Variants in SLC9A9 observed in about 807,000 individuals in gnomAD.
The protein encoded by SLC9A9 is solute carrier family 9 member A9.
Under a neutral mutation model 77.8 loss-of-function variants are expected in SLC9A9, and 62 were observed. The observed-to-expected ratio is 0.80, with a 90% CI of 0.65 to 0.98. The LOEUF is 0.98. Among genes scored for constraint, SLC9A9 ranks in the 50% least tolerant of loss-of-function variants. The pLI is 0.00. For missense variants in SLC9A9, 775 were observed against 774.9 expected, an observed-to-expected ratio of 1.00 and a Z score of 0.00; for synonymous variants, 320 against 283.5, an observed-to-expected ratio of 1.13 and a Z score of -1.29.
intron 11 of SLC9A9, among the ~76,000 whole-genome samples, chr3:143,486,176 C>T (rs2035650698): frequency 6.6e-6 from 1 of 152,110 alleles, no homozygotes; most frequent in African/African-American, 2.4e-5. Context: ...ACAAAAACCA[C>T]TTGTCAACCA....
At chr3:143,711,363 C>A (rs1333970527) in intron 4 of SLC9A9, among the ~76,000 whole-genome samples, 1 of 151,856 alleles carries the variant, frequency 6.6e-6, no homozygotes, top group African/African-American at 2.4e-5. Context: ...GAGAAACCAC[C>A]AAAATGCTTT....
At chr3:143,287,635 A>G (rs1256331423) in intron 14 of SLC9A9, among the ~76,000 whole-genome samples, 3 of 152,220 alleles carry the variant, frequency 2.0e-5, no homozygotes, top group African/African-American at 7.2e-5. Flanking sequence ...AGGGTTTGGA[A>G]TAATTCCCAG....
chr3:143,781,993 G>T (rs1385500832), intron 4 of SLC9A9, among the ~76,000 whole-genome samples: 1 of 152,132 alleles, frequency 6.6e-6, no homozygotes, highest in Non-Finnish European at 1.5e-5. Context: ...CTCCCACACT[G>T]GAAGCGCTAA....
At chr3:143,317,586 C>T (rs371465055) in intron 14 of SLC9A9, among the ~76,000 whole-genome samples, 1 of 152,300 alleles carries the variant, frequency 6.6e-6, no homozygotes, top group East Asian at 1.9e-4. Context: ...GATCCTCTGG[C>T]TACAGGGATA....
At chr3:143,804,465 G>A (rs1291641746) in intron 2 of SLC9A9, among the ~76,000 whole-genome samples, 1 of 152,122 alleles carries the variant, frequency 6.6e-6, no homozygotes, top group Admixed American at 6.6e-5. Context: ...TACAACCTCT[G>A]ATGGCTGCCG....
intron 11 of SLC9A9, among the ~76,000 whole-genome samples, chr3:143,468,300 C>G (rs1212253593): frequency 6.6e-6 from 1 of 152,212 alleles, no homozygotes; most frequent in South Asian, 2.1e-4. Flanking sequence ...ATATATAAGT[C>G]ATCCAATTTC....
intron 6 of SLC9A9, among the ~76,000 whole-genome samples, chr3:143,646,281 G>A (rs1480546685): frequency 1.4e-5 from 2 of 147,386 alleles, no homozygotes; most frequent in Admixed American, 1.4e-4. Flanking sequence ...TATATATACA[G>A]GTATAATAAA....
At chr3:143,701,279 G>A (rs143734144) in intron 4 of SLC9A9, among the ~76,000 whole-genome samples, 21 of 152,218 alleles carry the variant, frequency 1.4e-4, no homozygotes, top group African/African-American at 5.1e-4. Flanking sequence ...AGACCACCGT[G>A]GAAAACATAA....
intron 4 of SLC9A9, among the ~76,000 whole-genome samples, chr3:143,743,204 T>TGG: frequency 7.2e-6 from 1 of 139,138 alleles, no homozygotes; most frequent in East Asian, 2.1e-4. Context: ...GATAGATGGA[T>TGG]AGATGGATGG....
chr3:143,396,910 A>T (rs889774069), intron 12 of SLC9A9, among the ~76,000 whole-genome samples: 3 of 152,168 alleles, frequency 2.0e-5, no homozygotes, highest in Admixed American at 6.6e-5. Context: ...TGTATCTGAC[A>T]ATTTAGATAT....
chr3:143,442,404 T>C (rs1381692268), intron 12 of SLC9A9, among the ~76,000 whole-genome samples: 3 of 152,350 alleles, frequency 2.0e-5, no homozygotes, highest in African/African-American at 7.2e-5. Context: ...GCAAATTGCT[T>C]GCTACCTATG....
chr3:143,342,847 T>C (rs1051785522), intron 14 of SLC9A9, among the ~76,000 whole-genome samples: 6 of 152,242 alleles, frequency 3.9e-5, no homozygotes, highest in Non-Finnish European at 8.8e-5. Flanking sequence ...TGCATGCAAA[T>C]ATACACGCGC....
chr3:143,814,710 C>T (rs2008959531), intron 2 of SLC9A9, among the ~76,000 whole-genome samples: 1 of 152,114 alleles, frequency 6.6e-6, no homozygotes, highest in African/African-American at 2.4e-5. Context: ...AGAAGGCAAA[C>T]CCCAAAAGTG....
chr3:143,601,161 A>C (rs1442236270), intron 6 of SLC9A9, among the ~76,000 whole-genome samples: 1 of 152,180 alleles, frequency 6.6e-6, no homozygotes, highest in Non-Finnish European at 1.5e-5. Flanking sequence ...ATGTTTATTC[A>C]TTCAATGAAT....
At chr3:143,770,782 C>A (rs868730954) in intron 4 of SLC9A9, among the ~76,000 whole-genome samples, 10 of 152,070 alleles carry the variant, frequency 6.6e-5, no homozygotes, top group Admixed American at 2.6e-4. Context: ...ATATTTGCAA[C>A]TCTCATGACA....
At chr3:143,367,550 G>C (rs1430452968) in intron 13 of SLC9A9, among the ~76,000 whole-genome samples, 2 of 152,208 alleles carry the variant, frequency 1.3e-5, no homozygotes, top group African/African-American at 4.8e-5. Context: ...AATTAGTCTA[G>C]TGTGTGCTCT....
chr3:143,358,609 T>A lies in SLC9A9; in HGVS notation c.1604+4875A>T, dbSNP rs1040745857. Among the ~76,000 whole-genome samples the A allele has an allele frequency of 5.9e-5, 9 of 152,130 alleles. 1 individual carries two copies. Among genetic ancestry groups the A allele is most frequent in the African/African-American group, 2.2e-4 (9 of 41,438 alleles). On this transcript the variant is annotated intron_variant, in intron 14 of 15. Coordinates refer to ENST00000316549, the MANE Select transcript of SLC9A9 (RefSeq NM_173653.4). Reference sequence around the variant, plus strand: ...GAAAGAGACTCTAGAAAGGAGACAGTCAAGCAACATCATTAGTCACCTATG... The same window carrying A: ...GAAAGAGACTCTAGAAAGGAGACAGACAAGCAACATCATTAGTCACCTATG...
intron 12 of SLC9A9, among the ~76,000 whole-genome samples, chr3:143,385,222 T>G (rs1042768995): frequency 6.6e-6 from 1 of 152,112 alleles, no homozygotes; most frequent in Non-Finnish European, 1.5e-5. Context: ...TGACATATTG[T>G]CCCTATGACC....
At chr3:143,561,787 T>C (rs1052891157) in intron 8 of SLC9A9, among the ~76,000 whole-genome samples, 12 of 152,178 alleles carry the variant, frequency 7.9e-5, no homozygotes, top group Non-Finnish European at 1.2e-4. Context: ...TATTAGGAGA[T>C]GAAAGGAAGA....
Sources: gnomAD v4.1 joint callset for allele counts (sites outside exome capture counted in the v4.1 genomes callset) on GRCh38, gnomAD v4.1.1 for gene constraint, MANE v1.5 for transcripts, NCBI Gene and HGNC (gene_info 2026-07-23, HGNC 2026-07-21) for gene names.